ARHGEF18: variants seen among roughly 807,000 people sequenced by gnomAD.
The protein encoded by ARHGEF18 is rho guanine nucleotide exchange factor 18.
ARHGEF18 carries 93 observed loss-of-function variants against 155.7 expected under a neutral mutation model. That is an observed-to-expected ratio of 0.60 (90% CI 0.50 to 0.71). The LOEUF (loss-of-function observed/expected upper bound fraction) is 0.71, where lower values mean the gene tolerates loss of function less well. ARHGEF18 is among the 30% of genes least tolerant of loss of function. The probability of loss-of-function intolerance (pLI) is 0.00; values close to 1 mark genes in which losing one functional copy is unlikely to be tolerated. For missense variants in ARHGEF18, 1,593 were observed against 1,816.1 expected, an observed-to-expected ratio of 0.88 and a Z score of 2.23; for synonymous variants, 742 against 753.1, an observed-to-expected ratio of 0.99 and a Z score of 0.24.
At position 7,471,482 on chromosome 19, in the gene ARHGEF18, G is replaced by T. The variant is rs561034930; in HGVS notation, c.*1184G>T. 2.8e-4 allele frequency: 42 copies of T among 152,408 alleles called. No individual in the cohort carries two copies. Among genetic ancestry groups the T allele is most frequent in the African/African-American group, 8.7e-4 (36 of 41,580 alleles). The allele number at this position is 152,408 out of a possible 1,614,324, so 9.4% of individuals were successfully genotyped here. A position where few individuals can be genotyped will look rare whatever the true frequency, so the allele number is the denominator to read the frequency against. On this transcript the variant is annotated 3_prime_UTR_variant, in exon 29 of 29. Transcript: ENST00000668164. This position sits in a 1 kb window ranked among gnomAD's most constrained non-coding sequence, Gnocchi z 4.4. ...CTTGTTCTGCACCCCAAGCATTGGT[G>T]GTAGGACTGGGTCCTGGCTGATCGT...
At chr19:7,468,770 C>T (rs1976822334) in intron 26 of ARHGEF18, 55 bp from the exon 27 acceptor site, 1 of 1,474,510 alleles carries the variant, frequency 6.8e-7, no homozygotes, top group African/African-American at 1.4e-5. Context: ...GGGGGCTCTC[C>T]AGAGGCCGCA....
rs1424051357 is a variant in ARHGEF18 at position 7,362,797 on chromosome 19, A to G, written c.-94A>G. On this transcript the variant is annotated 5_prime_UTR_variant, in exon 2 of 29. An upstream start codon of the reference 5' UTR is lost. Coordinates refer to ENST00000668164, the MANE Select transcript of ARHGEF18 (RefSeq NM_001367823.1). The stretch of plus-strand genomic sequence containing the variant: ...TCTCCACAGGCTCTGAGCCCAAGTC[A>G]TGTGTCCAGCCTTTTGACTCTGGAG... The G allele has an allele frequency of 1.6e-6, 2 of 1,234,144 alleles. No homozygotes were observed. Among genetic ancestry groups the G allele is most frequent in the East Asian group, 3.2e-5 (1 of 31,688 alleles). The allele number at this position is 1,234,144 out of a possible 1,614,324, so 76.4% of individuals were successfully genotyped here.
At chr19:7,424,871 G>C (rs1469683823) in intron 10 of ARHGEF18, among the ~76,000 whole-genome samples, 1 of 152,000 alleles carries the variant, frequency 6.6e-6, no homozygotes, top group Non-Finnish European at 1.5e-5. Context: ...GCAGGTGCCT[G>C]TAATCCCAGC....
intron 10 of ARHGEF18, among the ~76,000 whole-genome samples, chr19:7,405,036 C>A (rs79679757): frequency 0.08 from 12,145 of 152,064 alleles, 1,593 homozygotes; most frequent in African/African-American, 0.27. Flanking sequence ...TGGCTCACTG[C>A]AACCTCTGTG....
chr19:7,440,493 G>A lies in ARHGEF18; in HGVS notation c.1106+11G>A. On this transcript the variant is annotated intron_variant, in intron 11 of 28. Coordinates refer to ENST00000668164, the MANE Select transcript of ARHGEF18 (RefSeq NM_001367823.1). This position sits in a 1 kb window ranked among gnomAD's most constrained non-coding sequence, Gnocchi z 5.4. ...TGGGACGCAACTCGGGTAAGCCAGG[G>A]TCCCCTCTGTGCCCTCGGGTGGGTG... The A allele has an allele frequency of 6.3e-7, 1 of 1,592,030 alleles. No individual in the cohort carries two copies. Among genetic ancestry groups the A allele is most frequent in the Non-Finnish European group, 8.5e-7 (1 of 1,175,464 alleles).
rs1976418129 is a variant in ARHGEF18 at position 7,463,528 on chromosome 19, G to A, written c.2636-290G>A. Among the ~76,000 whole-genome samples the A allele has an allele frequency of 6.6e-6, 1 of 152,222 alleles. No individual in the cohort carries two copies. The highest frequency in any genetic ancestry group is 2.4e-5 in the African/African-American group (1 of 41,462). ...CAGCATTCGCCAGCCCCTGGCCCAGGGCGGCCTGGTGGAAGGAGCTGCAGG... is the reference window on the plus strand; with the variant it reads ...CAGCATTCGCCAGCCCCTGGCCCAGAGCGGCCTGGTGGAAGGAGCTGCAGG... On this transcript the variant is annotated intron_variant, in intron 21 of 28. Transcript: ENST00000668164. This position sits in a 1 kb window ranked among gnomAD's most constrained non-coding sequence, Gnocchi z 5.2.
intron 23 of ARHGEF18, 63 bp from the exon 24 acceptor site, chr19:7,466,855 G>C: frequency 6.1e-6 from 7 of 1,156,636 alleles, no homozygotes; most frequent in East Asian, 2.5e-5. Context: ...GAAGAAGAAG[G>C]CTTGAGTCTA....
Position 7,470,196 on chromosome 19 carries a change from G to A in ARHGEF18, c.3984G>A (p.Gly1328=). The A allele has an allele frequency of 6.2e-7, 1 of 1,611,848 alleles. No homozygotes were observed. Among genetic ancestry groups the A allele is most frequent in the Non-Finnish European group, 8.5e-7 (1 of 1,179,550 alleles). The change falls in exon 29 of 29, where the codon GGG becomes GGA. Residue 1328 remains glycine, a synonymous_variant. Transcript: ENST00000668164. The surrounding 1 kb of genome is among the most constrained non-coding windows in gnomAD (Gnocchi z 5.9). The stretch of plus-strand genomic sequence containing the variant: ...CCGAGGGCTTCTCTCTCAAGGCCGG[G>A]GGCACAGCCCTCCTGCCCGGGCCCC... The part of the protein sequence containing the change: ...SPSEGFSLKA[G]GTALLPGPPA...
At chr19:7,426,486 CAAAAA>C (rs760020542) in intron 10 of ARHGEF18, among the ~76,000 whole-genome samples, 2 of 100,784 alleles carry the variant, frequency 2.0e-5, no homozygotes, top group East Asian at 2.4e-4. Flanking sequence ...GACTCTGTCT[CAAAAA>C]AAAAAAAAAA....
intron 17 of ARHGEF18, 140 bp downstream of exon 17, chr19:7,453,855 T>C: frequency 8.5e-7 from 1 of 1,178,668 alleles, no homozygotes; most frequent in Non-Finnish European, 1.1e-6. Context: ...GTCACCATCT[T>C]GGATTGGTGG....
At chr19:7,460,691 C>T (rs1004449575) in intron 20 of ARHGEF18, among the ~76,000 whole-genome samples, 5 of 152,182 alleles carry the variant, frequency 3.3e-5, no homozygotes, top group African/African-American at 1.2e-4. Context: ...TAAGGTTCGC[C>T]CGCGCTCAGT....
rs892889350 is a variant in ARHGEF18 at position 7,375,431 on chromosome 19, G to C, written c.276-289G>C. On this transcript the variant is annotated intron_variant, in intron 3 of 28. Transcript: ENST00000668164. ...GGAAGAAAAGGAAGGAAGAAAGGAA[G>C]GAAGAAAAGAAAAGAAAGAAAAGAA... 3.3e-5 allele frequency among the ~76,000 whole-genome samples: 5 copies of C among 151,094 alleles called. 1 individual carries two copies. The highest frequency in any genetic ancestry group is 1.2e-4 in the African/African-American group (5 of 41,104).
At chr19:7,397,497 C>T (rs539171243) in intron 10 of ARHGEF18, among the ~76,000 whole-genome samples, 68 of 146,518 alleles carry the variant, frequency 4.6e-4, no homozygotes, top group Non-Finnish European at 4.4e-5. Context: ...TTTGGGAGGC[C>T]CGGGGGGGGG....
intron 10 of ARHGEF18, among the ~76,000 whole-genome samples, chr19:7,423,371 CT>C (rs1234219099): frequency 1.3e-5 from 2 of 152,038 alleles, no homozygotes; most frequent in Admixed American, 1.3e-4. Flanking sequence ...TTTATTACTT[CT>C]GCACAGATGA....
intron 3 of ARHGEF18, among the ~76,000 whole-genome samples, 179 bp downstream of exon 3, chr19:7,373,250 G>A (rs1970280435): frequency 6.6e-6 from 1 of 152,218 alleles, no homozygotes; most frequent in Non-Finnish European, 1.5e-5. Flanking sequence ...CAGGGGGACA[G>A]GGGATACTTT....
intron 26 of ARHGEF18, 62 bp from the exon 27 acceptor site, chr19:7,468,763 G>T: frequency 6.8e-7 from 1 of 1,460,040 alleles, no homozygotes; most frequent in Non-Finnish European, 9.2e-7. Context: ...GACCCTCGGG[G>T]GCTCTCCAGA....
rs1359446974 is a variant in ARHGEF18 at position 7,467,364 on chromosome 19, G to A, written c.3160G>A (p.Ala1054Thr). 2.0e-6 allele frequency: 3 copies of A among 1,534,712 alleles called. No homozygotes were observed. The highest frequency in any genetic ancestry group is 2.0e-5 in the Admixed American group (1 of 50,956). The change falls in exon 26 of 29, where the codon GCG becomes ACG. Residue 1054 changes from alanine to threonine, a missense_variant. By Grantham distance (58) the Ala-to-Thr change is moderately conservative. Coordinates refer to ENST00000668164, the MANE Select transcript of ARHGEF18 (RefSeq NM_001367823.1). ...CTTCGAGAAGCAGCGGGAGGAGCGC[G>A]CGGCCCTGGAGAAGCTGCAGAGCCA... ...RNFEKQREER[A>T]ALEKLQSQLR... is the part of the protein sequence containing the mutation.
chr19:7,373,921 G>A (rs563188214), intron 3 of ARHGEF18, among the ~76,000 whole-genome samples: 3 of 144,672 alleles, frequency 2.1e-5, no homozygotes, highest in South Asian at 2.2e-4. Context: ...CACCACACCC[G>A]GCTAATTTTT....
At chr19:7,422,177 T>C (rs1973386243) in intron 10 of ARHGEF18, among the ~76,000 whole-genome samples, 2 of 152,152 alleles carry the variant, frequency 1.3e-5, no homozygotes, top group African/African-American at 2.4e-5. Flanking sequence ...TGGTTACCTC[T>C]GTAATGCAGG....
Sources: allele counts gnomAD v4.1 joint callset (sites outside exome capture counted in the v4.1 genomes callset), GRCh38; gene constraint gnomAD v4.1.1; non-coding constraint Gnocchi (gnomAD v3.1); transcripts MANE v1.5; gene names NCBI Gene and HGNC (gene_info 2026-07-23, HGNC 2026-07-21).